The following HP1BP3 variants were observed in gnomAD, a reference collection of about 807,000 sequenced individuals.
HP1BP3 encodes the protein heterochromatin protein 1-binding protein 3.
Under a neutral mutation model 62.5 loss-of-function variants are expected in HP1BP3, and 12 were observed. The ratio of observed to expected loss-of-function variants is 0.19; its 90% CI spans 0.12 to 0.31. The LOEUF (loss-of-function observed/expected upper bound fraction) is 0.31, where lower values mean the gene tolerates loss of function less well. HP1BP3 is among the 10% of genes least tolerant of loss of function. The pLI is 1.00. For synonymous variants in HP1BP3, 260 were observed against 237.8 expected (o/e 1.09, Z -0.86); for missense variants, 502 against 651.8 (o/e 0.77, Z 2.50).
At chr1:20,764,845 A>T (rs12133972) in intron 8 of HP1BP3, among the ~76,000 whole-genome samples, 50,533 of 150,848 alleles carry the variant, frequency 0.33, 9,002 homozygotes, top group Non-Finnish European at 0.4. Flanking sequence ...ATTGCACTCC[A>T]GCCTGGGTAA....
intron 9 of HP1BP3, among the ~76,000 whole-genome samples, chr1:20,753,221 C>A (rs2055885975): frequency 6.6e-6 from 1 of 152,174 alleles, no homozygotes; most frequent in Non-Finnish European, 1.5e-5. Context: ...GGATTACAGG[C>A]ATGAGCCACC....
chr1:20,786,649 C>T (rs1440124888), intron 1 of HP1BP3: 1 of 152,270 alleles, frequency 6.6e-6, no homozygotes, highest in Non-Finnish European at 1.5e-5. Flanking sequence ...GCACACTCAC[C>T]ACTGGGAGCT....
At chr1:20,783,385 G>A (rs2057662622) in intron 1 of HP1BP3, among the ~76,000 whole-genome samples, 1 of 151,880 alleles carries the variant, frequency 6.6e-6, no homozygotes, top group Non-Finnish European at 1.5e-5. Context: ...CAGGCGCTGT[G>A]GTGTACACCT....
intron 9 of HP1BP3, among the ~76,000 whole-genome samples, chr1:20,756,317 A>C (rs1207151347): frequency 6.6e-6 from 1 of 152,198 alleles, no homozygotes; most frequent in Non-Finnish European, 1.5e-5. Flanking sequence ...AACCCAAAAT[A>C]AACTGGAACA....
chr1:20,779,775 T>C (rs758815501), intron 3 of HP1BP3, 37 bp downstream of exon 3: 1 of 1,389,672 alleles, frequency 7.2e-7, no homozygotes, highest in East Asian at 2.3e-5. Flanking sequence ...GCAGTATAAC[T>C]TTTGATGTTT....
chr1:20,764,963 G>C (rs751275758), intron 8 of HP1BP3, among the ~76,000 whole-genome samples: 3 of 151,752 alleles, frequency 2.0e-5, no homozygotes, highest in Non-Finnish European at 4.4e-5. Flanking sequence ...GAGTTCAAGA[G>C]TTCGAGACCA....
intron 5 of HP1BP3, among the ~76,000 whole-genome samples, chr1:20,772,624 C>T (rs1458109699): frequency 6.6e-6 from 1 of 152,230 alleles, no homozygotes; most frequent in East Asian, 1.9e-4. Context: ...CCAGGCTGCT[C>T]CTTTTCGTAC....
chr1:20,786,970 A>C (rs952650766), intron 1 of HP1BP3, among the ~76,000 whole-genome samples: 9 of 151,836 alleles, frequency 5.9e-5, no homozygotes, highest in African/African-American at 2.2e-4. Context: ...CCTGAGGAGG[A>C]GTCCACCAAA....
intron 8 of HP1BP3, among the ~76,000 whole-genome samples, chr1:20,757,941 C>G (rs918525833): frequency 6.6e-6 from 1 of 151,954 alleles, no homozygotes; most frequent in South Asian, 2.1e-4. Flanking sequence ...ATCAGGAGTT[C>G]GAGACCAGCC....
chr1:20,775,397 C>A (rs1033377030), intron 4 of HP1BP3: 8 of 152,180 alleles, frequency 5.3e-5, no homozygotes, highest in African/African-American at 1.7e-4. Context: ...GCAATCCCCC[C>A]ACCTCAGCTT....
chr1:20,756,600 G>A (rs1312031377), intron 9 of HP1BP3, among the ~76,000 whole-genome samples: 1 of 152,134 alleles, frequency 6.6e-6, no homozygotes, highest in Non-Finnish European at 1.5e-5. Context: ...GCAGGGGGAG[G>A]ACAGCTATTT....
chr1:20,759,398 TG>T (rs1264120145), intron 8 of HP1BP3, among the ~76,000 whole-genome samples: 1 of 152,190 alleles, frequency 6.6e-6, no homozygotes, highest in Non-Finnish European at 1.5e-5. Flanking sequence ...AGCAAAACTC[TG>T]TCTCCAAACA....
chr1:20,775,466 G>T (rs1054019295), intron 4 of HP1BP3: 1 of 151,758 alleles, frequency 6.6e-6, no homozygotes, highest in Non-Finnish European at 1.5e-5. Context: ...CTTTGTTTTT[G>T]GTAAAGTTTT....
At chr1:20,749,260 A>G (rs2055549462) in intron 10 of HP1BP3, among the ~76,000 whole-genome samples, 1 of 152,188 alleles carries the variant, frequency 6.6e-6, no homozygotes, top group African/African-American at 2.4e-5. Flanking sequence ...TTCTTTTTGT[A>G]AATATGAAAT....
chr1:20,769,934 G>GA, intron 6 of HP1BP3, among the ~76,000 whole-genome samples: 1 of 152,254 alleles, frequency 6.6e-6, no homozygotes, highest in Middle Eastern at 3.4e-3. Flanking sequence ...AGGGGGTATA[G>GA]AAAAAACTTA....
Position 20,741,169 on chromosome 1 carries a change from ATAAAT to A in HP1BP3, c.*3623_*3627del, listed in dbSNP as rs745899358. On this transcript the variant is annotated 3_prime_UTR_variant, in exon 13 of 13. Transcript: ENST00000438032. ...GAATTTTTGCTTAATCCAAAGAAAGATAAATTAATCAGGTTCCAAAGATAGGAGAC... is the reference window on the plus strand; with the variant it reads ...GAATTTTTGCTTAATCCAAAGAAAGATAATCAGGTTCCAAAGATAGGAGAC... 6.6e-6 allele frequency among the ~76,000 whole-genome samples: 1 copy of A among 152,262 alleles called. No individual in the cohort carries two copies. Among genetic ancestry groups the A allele is most frequent in the East Asian group, 1.9e-4 (1 of 5,202 alleles).
intron 1 of HP1BP3, among the ~76,000 whole-genome samples, chr1:20,783,599 T>C (rs1467346052): frequency 2.0e-5 from 3 of 151,436 alleles, no homozygotes; most frequent in East Asian, 1.9e-4. Flanking sequence ...GTAAAAGCTG[T>C]AGAACTTCAA....
rs369226920 is a variant in HP1BP3, at chr1:20,745,526, T to G, written c.1367+17A>C. 263 of 1,612,548 alleles carry G rather than the reference T, an allele frequency of 1.6e-4. No homozygotes were observed. In the African/African-American group the frequency reaches 3.3e-3, roughly 20 times the overall value. ...TATTTAGTGTCCTCCCCACAAGGGGTTTTCACATGTCCACACCTTCTCTTA... is the reference window on the plus strand; with the variant it reads ...TATTTAGTGTCCTCCCCACAAGGGGGTTTCACATGTCCACACCTTCTCTTA... On this transcript the variant is annotated intron_variant, in intron 12 of 12. Transcript: ENST00000438032.
At chr1:20,786,024 G>C (rs2057806267) in intron 1 of HP1BP3, among the ~76,000 whole-genome samples, 1 of 152,206 alleles carries the variant, frequency 6.6e-6, no homozygotes, top group African/African-American at 2.4e-5. Flanking sequence ...GCAAAGTCAG[G>C]AAGCACAATA....
Sources: allele counts gnomAD v4.1 joint callset (sites outside exome capture counted in the v4.1 genomes callset), GRCh38; gene constraint gnomAD v4.1.1; transcripts MANE v1.5; gene names NCBI Gene and HGNC (gene_info 2026-07-23, HGNC 2026-07-21).